Variants in TNS3 observed in about 807,000 individuals in gnomAD.
TNS3 encodes tensin-3.
A neutral mutation model predicts 140.9 loss-of-function variants in TNS3; 45 were observed. The ratio of observed to expected loss-of-function variants is 0.32; its 90% CI spans 0.25 to 0.41. TNS3 has a LOEUF of 0.41. Ranked by LOEUF, TNS3 falls within the 10% of genes least tolerant of loss-of-function variation. The pLI is 1.00. For missense variants in TNS3, 1,716 were observed against 1,906.7 expected, an observed-to-expected ratio of 0.90 and a Z score of 1.86; for synonymous variants, 815 against 788.4, an observed-to-expected ratio of 1.03 and a Z score of -0.56.
At chr7:47,416,628 G>T (rs190762235) in intron 10 of TNS3, among the ~76,000 whole-genome samples, 1 of 152,220 alleles carries the variant, frequency 6.6e-6, no homozygotes, top group African/African-American at 2.4e-5. Flanking sequence ...CTGGAGACGT[G>T]GGGACCCTGT....
At chr7:47,333,183 G>A (rs769102677) in intron 20 of TNS3, among the ~76,000 whole-genome samples, 7 of 152,064 alleles carry the variant, frequency 4.6e-5, no homozygotes, top group Non-Finnish European at 8.8e-5. Context: ...CACATTCACA[G>A]GCCAGCACTT....
At chr7:47,479,854 G>A (rs182883774) in intron 4 of TNS3, among the ~76,000 whole-genome samples, 219 of 152,294 alleles carry the variant, frequency 1.4e-3, no homozygotes, top group Non-Finnish European at 1.7e-3. Flanking sequence ...GCACCTCTAT[G>A]GCCATTGCAT....
chr7:47,569,591 C>G (rs544508514), intron 1 of TNS3, among the ~76,000 whole-genome samples: 1 of 151,884 alleles, frequency 6.6e-6, no homozygotes, highest in African/African-American at 2.4e-5. Flanking sequence ...TGGTGGCTCA[C>G]GTCTGTAATC....
At chr7:47,391,313 T>C (rs1004576623) in intron 16 of TNS3, among the ~76,000 whole-genome samples, 7 of 152,240 alleles carry the variant, frequency 4.6e-5, no homozygotes, top group African/African-American at 1.7e-4. Flanking sequence ...GATGTATATC[T>C]GTGTCTTCCC....
At chr7:47,576,574 A>T (rs1000671500) in intron 1 of TNS3, among the ~76,000 whole-genome samples, 3 of 152,202 alleles carry the variant, frequency 2.0e-5, no homozygotes, top group Non-Finnish European at 4.4e-5. Context: ...ATGGATTACA[A>T]GGTGGAGAAG....
chr7:47,540,466 A>G (rs1159955957), intron 1 of TNS3, among the ~76,000 whole-genome samples: 1 of 152,060 alleles, frequency 6.6e-6, no homozygotes, highest in East Asian at 1.9e-4. Context: ...CTGAGGGGCC[A>G]CTCGTGCCCG....
chr7:47,496,037 G>C (rs1797995706), intron 3 of TNS3, among the ~76,000 whole-genome samples: 1 of 152,128 alleles, frequency 6.6e-6, no homozygotes, highest in Non-Finnish European at 1.5e-5. Flanking sequence ...GCTGGGGAGA[G>C]GCCCCGATGC....
intron 1 of TNS3, among the ~76,000 whole-genome samples, chr7:47,558,035 C>T (rs1160587687): frequency 6.6e-6 from 1 of 152,166 alleles, no homozygotes. Context: ...CTGCACCACT[C>T]CCACCCCCAC....
At chr7:47,313,550 T>C (rs1787225198) in intron 20 of TNS3, among the ~76,000 whole-genome samples, 1 of 152,228 alleles carries the variant, frequency 6.6e-6, no homozygotes, top group Non-Finnish European at 1.5e-5. Flanking sequence ...AAGAGTCATA[T>C]AAGAGAGGAG....
intron 20 of TNS3, among the ~76,000 whole-genome samples, chr7:47,320,990 G>A (rs1194492245): frequency 6.6e-6 from 1 of 152,228 alleles, no homozygotes; most frequent in South Asian, 2.1e-4. Flanking sequence ...AAACTGACAT[G>A]AGGCATGTGG....
intron 16 of TNS3, among the ~76,000 whole-genome samples, chr7:47,390,287 A>G (rs1792435570): frequency 6.6e-6 from 1 of 152,206 alleles, no homozygotes; most frequent in South Asian, 2.1e-4. Flanking sequence ...AAGTTTTCAA[A>G]TCCATTTTCA....
rs1377054231 is a variant in TNS3, at chr7:47,437,289, A to G, written c.175T>C (p.Tyr59His). Residue 59 changes from tyrosine (Y) to histidine (H), a missense_variant, in exon 7 of 31, where the codon TAT becomes CAT. Transcript: ENST00000311160. ...YLVLNLSEKR[Y>H]DLTKLNPKIM... ...TTTGGGTTAAGCTTCGTAAGGTCAT[A>G]TCTCTTTTCTGAAAGGTTTAATACC... is the stretch of plus-strand genomic sequence containing the variant. 6 of 1,552,436 alleles carry G rather than the reference A, an allele frequency of 3.9e-6. No individual in the cohort carries two copies. The highest frequency in any genetic ancestry group is 5.2e-6 in the Non-Finnish European group (6 of 1,156,638).
chr7:47,516,164 T>A (rs1379245452), intron 2 of TNS3, among the ~76,000 whole-genome samples: 3 of 152,242 alleles, frequency 2.0e-5, no homozygotes, highest in Admixed American at 1.3e-4. Flanking sequence ...GAGAACACTA[T>A]GAAATTGTCT....
chr7:47,501,296 A>G (rs916331833), intron 3 of TNS3, among the ~76,000 whole-genome samples: 1 of 152,182 alleles, frequency 6.6e-6, no homozygotes, highest in Non-Finnish European at 1.5e-5. Context: ...AGTGAAGACC[A>G]TATGAAGAAA....
chr7:47,460,500 G>C (rs1796445536), intron 4 of TNS3, among the ~76,000 whole-genome samples: 1 of 152,210 alleles, frequency 6.6e-6, no homozygotes, highest in South Asian at 2.1e-4. Context: ...GGGTGTTTGG[G>C]AAATGCTGCT....
chr7:47,382,953 C>G (rs1193301116), intron 16 of TNS3, among the ~76,000 whole-genome samples: 1 of 152,042 alleles, frequency 6.6e-6, no homozygotes, highest in Non-Finnish European at 1.5e-5. Flanking sequence ...AGGAGGTTGG[C>G]AGTATGTTTA....
intron 4 of TNS3, among the ~76,000 whole-genome samples, chr7:47,452,420 G>C (rs942467152): frequency 9.2e-5 from 14 of 152,246 alleles, no homozygotes; most frequent in Non-Finnish European, 1.9e-4. Flanking sequence ...AGAACTGCCA[G>C]AGAAAGTACA....
rs1254182467 is a variant in TNS3 at position 47,303,505 on chromosome 7, C to T, written c.2902G>A (p.Gly968Arg). Reference protein sequence around the residue: ...VSLLGSGRPTGSPLSAEFSGT... With the variant: ...VSLLGSGRPTRSPLSAEFSGT... ...GAGAACTCAGCGCTGAGGGGACTTCCGGTGGGCCGGCCGCTCCCCAGCAGG... is the reference window on the plus strand; with the variant it reads ...GAGAACTCAGCGCTGAGGGGACTTCTGGTGGGCCGGCCGCTCCCCAGCAGG... The change falls in exon 22 of 31, where the codon GGA becomes AGA. Residue 968 changes from glycine to arginine, a missense_variant. By Grantham distance (125) the Gly-to-Arg change is moderately radical. This residue lies in a region of TNS3 where 1,163 missense variants were observed against 1,182.1 expected (regional missense o/e 0.98). Coordinates refer to ENST00000311160, the MANE Select transcript of TNS3 (RefSeq NM_022748.12). 11 of 1,608,776 alleles carry T rather than the reference C, an allele frequency of 6.8e-6. No individual in the cohort carries two copies. Among genetic ancestry groups the T allele is most frequent in the East Asian group, 2.2e-5 (1 of 44,830 alleles).
At chr7:47,406,589 T>G (rs1212707732) in intron 13 of TNS3, among the ~76,000 whole-genome samples, 3 of 152,188 alleles carry the variant, frequency 2.0e-5, no homozygotes, top group African/African-American at 7.2e-5. Context: ...CTACCCCGCC[T>G]GGGAAGCCAC....
Sources: gnomAD v4.1 joint callset for allele counts (sites outside exome capture counted in the v4.1 genomes callset) on GRCh38, gnomAD v4.1.1 for gene constraint, gnomAD v4.1.1 regional missense constraint, MANE v1.5 for transcripts, NCBI Gene and HGNC (gene_info 2026-07-23, HGNC 2026-07-21) for gene names.